SUMF1: variants seen among roughly 807,000 people sequenced by gnomAD.
The protein encoded by SUMF1 is sulfatase modifying factor 1.
In SUMF1, 48 loss-of-function variants were observed where a neutral mutation model predicts 47.6. The observed-to-expected ratio is 1.01, with a 90% CI of 0.80 to 1.28. The LOEUF (loss-of-function observed/expected upper bound fraction) is 1.28. SUMF1 is among the 50% of genes most tolerant of loss of function. The pLI is 0.00. For missense variants in SUMF1, 571 were observed against 485.4 expected, an observed-to-expected ratio of 1.18 and a Z score of -1.66; for synonymous variants, 230 against 192.1, an observed-to-expected ratio of 1.20 and a Z score of -1.63.
At chr3:4,408,949 G>A (rs534616000) in intron 7 of SUMF1, among the ~76,000 whole-genome samples, 3 of 151,988 alleles carry the variant, frequency 2.0e-5, no homozygotes, top group Admixed American at 1.3e-4. Context: ...GGGATAGAGC[G>A]AGACTCTCTC....
chr3:4,136,843 T>C (rs1326968217), intron 8 of SUMF1, among the ~76,000 whole-genome samples: 1 of 152,034 alleles, frequency 6.6e-6, no homozygotes, highest in East Asian at 1.9e-4. Context: ...AAAGAAGACA[T>C]TTATGCAGCC....
intron 8 of SUMF1, among the ~76,000 whole-genome samples, chr3:4,309,239 G>T (rs1698311154): frequency 6.6e-6 from 1 of 152,180 alleles, no homozygotes; most frequent in Non-Finnish European, 1.5e-5. Context: ...TAAAGAGTCT[G>T]TTCTATCAGT....
intron 8 of SUMF1, among the ~76,000 whole-genome samples, chr3:4,142,500 G>A (rs1373832218): frequency 2.0e-5 from 3 of 152,092 alleles, no homozygotes; most frequent in Admixed American, 1.3e-4. Flanking sequence ...TTTGATGAAT[G>A]AATAAACAAT....
chr3:4,103,622 C>A (rs1693088909), intron 8 of SUMF1, among the ~76,000 whole-genome samples: 1 of 152,086 alleles, frequency 6.6e-6, no homozygotes, highest in African/African-American at 2.4e-5. Flanking sequence ...GCTTGACTTT[C>A]TTAGGCATGG....
intron 8 of SUMF1, among the ~76,000 whole-genome samples, chr3:4,243,306 T>C (rs1255643986): frequency 6.6e-6 from 1 of 152,212 alleles, no homozygotes; most frequent in Non-Finnish European, 1.5e-5. Flanking sequence ...TTCTGCTAGC[T>C]TTTGAATTTG....
intron 8 of SUMF1, among the ~76,000 whole-genome samples, chr3:4,280,142 C>A (rs143692273): frequency 3.3e-5 from 5 of 152,224 alleles, no homozygotes; most frequent in African/African-American, 9.6e-5. Context: ...TTAATTAGTT[C>A]TCTTAAGCCA....
intron 8 of SUMF1, among the ~76,000 whole-genome samples, chr3:4,305,339 G>C (rs1698148259): frequency 6.6e-6 from 1 of 152,168 alleles, no homozygotes; most frequent in African/African-American, 2.4e-5. Flanking sequence ...ACCCACCTGG[G>C]CCTCCCAAAG....
chr3:4,058,859 T>A (rs1293838703), intron 9 of SUMF1, among the ~76,000 whole-genome samples: 4 of 152,136 alleles, frequency 2.6e-5, no homozygotes, highest in African/African-American at 9.7e-5. Context: ...GCTTAGTTAA[T>A]AGCTTTTATA....
chr3:4,306,252 T>G (rs995170521), intron 8 of SUMF1, among the ~76,000 whole-genome samples: 4 of 152,220 alleles, frequency 2.6e-5, no homozygotes, highest in Non-Finnish European at 4.4e-5. Flanking sequence ...CCGACGTATT[T>G]TTTTAATTAA....
intron 8 of SUMF1, among the ~76,000 whole-genome samples, chr3:4,094,991 A>C (rs1375610624): frequency 6.6e-6 from 1 of 152,100 alleles, no homozygotes; most frequent in African/African-American, 2.4e-5. Context: ...CTTATGATCA[A>C]TTGGTAGTGA....
At chr3:4,251,904 G>C (rs1696810543) in intron 8 of SUMF1, among the ~76,000 whole-genome samples, 1 of 152,146 alleles carries the variant, frequency 6.6e-6, no homozygotes, top group South Asian at 2.1e-4. Context: ...CATTTTTAGA[G>C]ATAATGCTAT....
chr3:4,317,044 A>T, intron 8 of SUMF1: 3 of 1,549,270 alleles, frequency 1.9e-6, no homozygotes, highest in Non-Finnish European at 1.7e-6. Context: ...TATTCACCTG[A>T]CCTCTTGCCA....
At chr3:4,220,225 T>G (rs958126565) in intron 8 of SUMF1, among the ~76,000 whole-genome samples, 2 of 152,172 alleles carry the variant, frequency 1.3e-5, no homozygotes, top group African/African-American at 4.8e-5. Context: ...AGCTCATCTC[T>G]CTGTGTGTGT....
chr3:4,102,866 A>C (rs1231472245), intron 8 of SUMF1, among the ~76,000 whole-genome samples: 2 of 151,956 alleles, frequency 1.3e-5, no homozygotes, highest in East Asian at 3.9e-4. Flanking sequence ...AGGGAGAAGA[A>C]GAGAGAGGAA....
At chr3:4,321,697 C>A (rs1477995637) in intron 8 of SUMF1, among the ~76,000 whole-genome samples, 1 of 152,060 alleles carries the variant, frequency 6.6e-6, no homozygotes, top group Non-Finnish European at 1.5e-5. Flanking sequence ...AAAGACAAAT[C>A]TAACTTTGCA....
At position 4,138,243 on chromosome 3, in the gene SUMF1, T is replaced by C. The variant is rs148627443; in HGVS notation, c.1015-69498A>G. On this transcript the variant is annotated intron_variant and NMD_transcript_variant, in intron 8 of 12. Transcript: ENST00000448413. ...CCCAAGGTGATCTACAGTTTCAACA[T>C]AAATCCTATCGAACTCTGTATAGTG... 1.1e-3 allele frequency among the ~76,000 whole-genome samples: 174 copies of C among 152,246 alleles called. 3 individuals are homozygous for C. Among genetic ancestry groups the C allele is most frequent in the African/African-American group, 3.9e-3 (160 of 41,552 alleles).
At chr3:4,321,376 G>A (rs933700838) in intron 8 of SUMF1, among the ~76,000 whole-genome samples, 3 of 150,550 alleles carry the variant, frequency 2.0e-5, no homozygotes, top group Admixed American at 1.3e-4. Flanking sequence ...AAAAAAACAG[G>A]GTTCTTTGGA....
intron 8 of SUMF1, among the ~76,000 whole-genome samples, chr3:4,117,074 T>C (rs6808934): frequency 0.47 from 71,832 of 151,988 alleles, 17,557 homozygotes; most frequent in African/African-American, 0.59. Context: ...ATATTCATAA[T>C]ATTTTATAGA....
At chr3:4,313,662 C>G in intron 8 of SUMF1, 2 of 1,613,968 alleles carry the variant, frequency 1.2e-6, no homozygotes, top group Non-Finnish European at 1.7e-6. Context: ...TGTACTGCCC[C>G]GTAGAAAAGT....
Sources: allele counts gnomAD v4.1 joint callset (sites outside exome capture counted in the v4.1 genomes callset), GRCh38; gene constraint gnomAD v4.1.1; transcripts MANE v1.5; gene names NCBI Gene and HGNC (gene_info 2026-07-23, HGNC 2026-07-21).